SNX29: variants seen among roughly 807,000 people sequenced by gnomAD.
SNX29 encodes sorting nexin 29.
In SNX29, 78 loss-of-function variants were observed where a neutral mutation model predicts 102.1. That is an observed-to-expected ratio of 0.76 (90% CI 0.64 to 0.92). The LOEUF is 0.92. Among genes scored for constraint, SNX29 ranks in the 40% least tolerant of loss-of-function variants. The pLI, the probability that SNX29 is intolerant of heterozygous loss-of-function variation, is 0.00. For synonymous variants in SNX29, 580 were observed against 414.5 expected, an observed-to-expected ratio of 1.40 and a Z score of -4.85; for missense variants, 1,280 against 1,061.7, an observed-to-expected ratio of 1.21 and a Z score of -2.86.
chr16:12,115,537 A>T (rs969365056), intron 11 of SNX29, among the ~76,000 whole-genome samples: 2 of 146,524 alleles, frequency 1.4e-5, no homozygotes, highest in Admixed American at 1.4e-4. Context: ...CTGGGTACTA[A>T]GTGGAATCAC....
At chr16:12,253,182 C>T (rs2078471933) in intron 14 of SNX29, among the ~76,000 whole-genome samples, 1 of 152,176 alleles carries the variant, frequency 6.6e-6, no homozygotes, top group Admixed American at 6.5e-5. Flanking sequence ...GGTGGCGAGA[C>T]AGTCATTCGG....
chr16:12,380,338 C>CA (rs941296216), intron 16 of SNX29, among the ~76,000 whole-genome samples: 6 of 128,566 alleles, frequency 4.7e-5, no homozygotes, highest in African/African-American at 1.7e-4. Context: ...CCATACCCCC[C>CA]ACCCACCCAT....
intron 3 of SNX29, among the ~76,000 whole-genome samples, chr16:12,011,258 TC>T (rs1196203251): frequency 6.9e-6 from 1 of 145,302 alleles, no homozygotes; most frequent in Non-Finnish European, 1.5e-5. Context: ...GTTTAACAAA[TC>T]TAAGCCCATT....
chr16:12,311,655 C>T (rs2080554219), intron 15 of SNX29, among the ~76,000 whole-genome samples: 1 of 152,246 alleles, frequency 6.6e-6, no homozygotes, highest in African/African-American at 2.4e-5. Flanking sequence ...AACCCTTCAC[C>T]CGGCTTATTT....
chr16:12,521,251 T>A (rs2090088356), intron 19 of SNX29, among the ~76,000 whole-genome samples: 1 of 152,028 alleles, frequency 6.6e-6, no homozygotes, highest in Non-Finnish European at 1.5e-5. Flanking sequence ...CCGCAAAAAT[T>A]ATTGAAAGAA....
chr16:12,544,300 CA>C (rs2077484159), intron 20 of SNX29, among the ~76,000 whole-genome samples: 1 of 152,110 alleles, frequency 6.6e-6, no homozygotes, highest in Non-Finnish European at 1.5e-5. Flanking sequence ...ATCCAGGCCA[CA>C]GGGGAAGGTG....
intron 13 of SNX29, among the ~76,000 whole-genome samples, chr16:12,164,735 T>A (rs2055939662): frequency 6.9e-6 from 1 of 144,972 alleles, no homozygotes; most frequent in South Asian, 2.2e-4. Flanking sequence ...TTGTCCAGGC[T>A]GGAGTGCGGT....
chr16:12,484,549 C>G (rs1368576980), intron 19 of SNX29, among the ~76,000 whole-genome samples: 1 of 152,064 alleles, frequency 6.6e-6, no homozygotes, highest in Admixed American at 6.5e-5. Flanking sequence ...TGGTAGCTCC[C>G]TCACCTCCCT....
chr16:12,185,153 G>T (rs1290144190), intron 13 of SNX29, among the ~76,000 whole-genome samples: 4 of 152,212 alleles, frequency 2.6e-5, no homozygotes, highest in African/African-American at 9.7e-5. Context: ...GATTCCCAGA[G>T]TTCGTATGCA....
chr16:12,565,401 A>C (rs1395110777), intron 20 of SNX29, among the ~76,000 whole-genome samples: 2 of 151,448 alleles, frequency 1.3e-5, no homozygotes, highest in African/African-American at 2.4e-5. Context: ...TCATCCACTC[A>C]ACTTGTCCCA....
chr16:12,547,592 C>A (rs1404535465), intron 20 of SNX29, among the ~76,000 whole-genome samples: 1 of 152,022 alleles, frequency 6.6e-6, no homozygotes, highest in African/African-American at 2.4e-5. Flanking sequence ...ATTAAATACA[C>A]CCCCACGAAG....
chr16:11,999,283 T>G lies in SNX29; in HGVS notation c.8-14T>G. 1.2e-6 allele frequency: 2 copies of G among 1,613,960 alleles called. No individual in the cohort carries two copies. Among genetic ancestry groups the G allele is most frequent in the Non-Finnish European group, 1.7e-6 (2 of 1,179,854 alleles). On this transcript the variant is annotated splice_polypyrimidine_tract_variant and intron_variant, in intron 1 of 20. Coordinates refer to ENST00000566228, the MANE Select transcript of SNX29 (RefSeq NM_032167.5). ...AGCGTCAGAGAGAACTAATTAAGCC[T>G]CATTGCATTTTAGGATCACAGAACA...
At chr16:12,336,761 A>G (rs943022780) in intron 15 of SNX29, among the ~76,000 whole-genome samples, 1 of 152,156 alleles carries the variant, frequency 6.6e-6, no homozygotes, top group African/African-American at 2.4e-5. Context: ...ACTGGCCAAC[A>G]TGGTGAAACT....
Position 12,570,256 on chromosome 16 carries a change from A to T in SNX29, c.*1627A>T. On this transcript the variant is annotated 3_prime_UTR_variant, in exon 21 of 21. Coordinates refer to ENST00000566228, the MANE Select transcript of SNX29 (RefSeq NM_032167.5). ...CCGGTGAGACCAAATGAGCTGGAGC[A>T]TGTATGGAGGTGCGGACCCTGCAGT... 1 of 1,065,172 alleles carries T rather than the reference A, an allele frequency of 9.4e-7. No individual in the cohort carries two copies. The highest frequency in any genetic ancestry group is 1.1e-6 in the Non-Finnish European group (1 of 879,220). The allele number at this position is 1,065,172 out of a possible 1,614,324, so 66.0% of individuals were successfully genotyped here.
intron 14 of SNX29, among the ~76,000 whole-genome samples, chr16:12,249,206 G>T (rs1228830530): frequency 6.6e-6 from 1 of 152,196 alleles, no homozygotes; most frequent in Admixed American, 6.5e-5. Flanking sequence ...GCTCATGGCG[G>T]AAATGATTGG....
chr16:11,988,739 G>T (rs1001066745), intron 1 of SNX29, among the ~76,000 whole-genome samples: 3 of 149,602 alleles, frequency 2.0e-5, no homozygotes, highest in African/African-American at 7.4e-5. Context: ...CCATGCTAGT[G>T]TTTTTTTTTT....
At chr16:12,348,614 G>A (rs1029815743) in intron 15 of SNX29, among the ~76,000 whole-genome samples, 4 of 152,112 alleles carry the variant, frequency 2.6e-5, no homozygotes, top group African/African-American at 9.7e-5. Context: ...CCCTGGCTCA[G>A]CACCCTTCCA....
At chr16:12,414,872 C>T (rs1027598281) in intron 18 of SNX29, among the ~76,000 whole-genome samples, 2 of 152,142 alleles carry the variant, frequency 1.3e-5, no homozygotes, top group African/African-American at 4.8e-5. Context: ...CGTGTGCCCA[C>T]CAGCATGCCC....
chr16:12,563,673 C>T (rs2078858930), intron 20 of SNX29, among the ~76,000 whole-genome samples: 1 of 152,170 alleles, frequency 6.6e-6, no homozygotes, highest in Non-Finnish European at 1.5e-5. Context: ...TCCCCGAGAG[C>T]CCATGATGGG....
Sources: allele counts gnomAD v4.1 joint callset (sites outside exome capture counted in the v4.1 genomes callset), GRCh38; gene constraint gnomAD v4.1.1; transcripts MANE v1.5; gene names NCBI Gene and HGNC (gene_info 2026-07-23, HGNC 2026-07-21).